The following BLTP1 variants were observed in gnomAD, a reference collection of about 807,000 sequenced individuals.
BLTP1 encodes the protein fragile site-associated protein.
At chr4:122,311,905 G>A in the BLTP1 span, among the ~76,000 whole-genome samples, 1 of 152,060 alleles carries the variant, frequency 6.6e-6, no homozygotes, top group Non-Finnish European at 1.5e-5. Context: ...AGGTATTATG[G>A]GGAAGAGACT....
the BLTP1 span, chr4:122,152,876 G>A: frequency 2.0e-6 from 1 of 504,562 alleles, no homozygotes; most frequent in Non-Finnish European, 2.6e-6. Context: ...CTGGTGTGTG[G>A]ACTCGGCAGG....
the BLTP1 span, chr4:122,244,099 G>A: frequency 7.1e-7 from 1 of 1,412,870 alleles, no homozygotes; most frequent in Non-Finnish European, 9.3e-7. Flanking sequence ...AAGTATATGT[G>A]ATATGTTCGT....
At chr4:122,259,547 T>C in the BLTP1 span, among the ~76,000 whole-genome samples, 42 of 152,208 alleles carry the variant, frequency 2.8e-4, 1 homozygote, top group Admixed American at 2.7e-3. Context: ...TTTACTTTTG[T>C]GAGCACTGAA....
the BLTP1 span, chr4:122,238,072 C>A: frequency 6.2e-7 from 1 of 1,609,518 alleles, no homozygotes; most frequent in South Asian, 1.1e-5. Context: ...GTTCACTTAA[C>A]CCACCTTTTG....
the BLTP1 span, among the ~76,000 whole-genome samples, chr4:122,245,452 C>A: frequency 6.6e-6 from 1 of 152,092 alleles, no homozygotes; most frequent in African/African-American, 2.4e-5. Context: ...AGGACTGACA[C>A]CTTGCTTTTC....
the BLTP1 span, among the ~76,000 whole-genome samples, chr4:122,319,323 G>C: frequency 3.3e-5 from 5 of 151,284 alleles, no homozygotes; most frequent in Admixed American, 3.3e-4. Flanking sequence ...ATTGATTTTA[G>C]ATCTTTTCTG....
the BLTP1 span, chr4:122,254,747 T>C: frequency 2.8e-6 from 4 of 1,429,398 alleles, no homozygotes; most frequent in Non-Finnish European, 3.7e-6. Flanking sequence ...GTATGGGAGA[T>C]TGTTTGGAAT....
chr4:122,349,279 G>A, the BLTP1 span: 2 of 1,613,380 alleles, frequency 1.2e-6, no homozygotes, highest in Non-Finnish European at 8.5e-7. The surrounding 1 kb of genome is among the most constrained non-coding windows in gnomAD (Gnocchi z 4.5). Context: ...AGGAGTAGTT[G>A]GAGGGACCAT....
At chr4:122,219,534 T>A in the BLTP1 span, 2 of 1,613,978 alleles carry the variant, frequency 1.2e-6, no homozygotes, top group South Asian at 1.1e-5. Context: ...CTGTACTTGT[T>A]AATTTGTACA....
chr4:122,215,698 C>T, the BLTP1 span: 1 of 472,622 alleles, frequency 2.1e-6, no homozygotes, highest in Non-Finnish European at 2.8e-6. Context: ...TGTTTGTTTA[C>T]TTTATTTCAA....
the BLTP1 span, chr4:122,313,820 GTATT>G: frequency 4.6e-6 from 2 of 430,152 alleles, no homozygotes; most frequent in East Asian, 8.9e-5. Flanking sequence ...TAGAACATTT[GTATT>G]TATTTAACAA....
chr4:122,267,168 C>A, the BLTP1 span, among the ~76,000 whole-genome samples: 4 of 147,726 alleles, frequency 2.7e-5, no homozygotes, highest in African/African-American at 1.0e-4. Flanking sequence ...ATGCCATTCT[C>A]CTGCCTCAGC....
the BLTP1 span, chr4:122,336,686 C>T: frequency 7.8e-5 from 75 of 964,924 alleles, 1 homozygote; most frequent in Middle Eastern, 5.3e-4. Flanking sequence ...TTTGGTATAG[C>T]AGCAGGAAAA....
At chr4:122,192,211 G>A in the BLTP1 span, 1 of 1,609,544 alleles carries the variant, frequency 6.2e-7, no homozygotes, top group Non-Finnish European at 8.5e-7. Flanking sequence ...CCTTTATATT[G>A]TATGTTCTGG....
At chr4:122,359,294 T>C in the BLTP1 span, 82 of 973,418 alleles carry the variant, frequency 8.4e-5, no homozygotes, top group Admixed American at 1.8e-4. Flanking sequence ...TTAGGAAACC[T>C]ACAACTATCA....
the BLTP1 span, chr4:122,167,730 T>G: frequency 5.1e-6 from 5 of 985,218 alleles, no homozygotes; most frequent in Non-Finnish European, 4.8e-6. Context: ...ATACTTAATT[T>G]ATTCATATCA....
At chr4:122,254,614 T>C in the BLTP1 span, 5 of 855,104 alleles carry the variant, frequency 5.8e-6, no homozygotes, top group Non-Finnish European at 6.8e-6. Context: ...AGGCTTTTTT[T>C]TTTCTTTCTT....
the BLTP1 span, chr4:122,244,530 A>T: frequency 3.1e-6 from 1 of 326,090 alleles, no homozygotes; most frequent in African/African-American, 2.3e-5. Context: ...TAATATAATA[A>T]TATTACAATA....
chr4:122,294,952 G>A, the BLTP1 span, among the ~76,000 whole-genome samples: 1 of 150,432 alleles, frequency 6.6e-6, no homozygotes, highest in Non-Finnish European at 1.5e-5. Flanking sequence ...AACACAGCAG[G>A]AGAACTTCAC....
Sources: gnomAD v4.1 joint callset for allele counts (sites outside exome capture counted in the v4.1 genomes callset) on GRCh38, gnomAD v4.1.1 for gene constraint, Gnocchi (gnomAD v3.1) non-coding constraint, MANE v1.5 for transcripts, NCBI Gene and HGNC (gene_info 2026-07-23, HGNC 2026-07-21) for gene names.